The following AMBRA1 variants were observed in gnomAD, a reference collection of about 807,000 sequenced individuals.
AMBRA1 encodes activating molecule in BECN1-regulated autophagy protein 1.
In AMBRA1, 47 loss-of-function variants were observed where a neutral mutation model predicts 125.4. The ratio of observed to expected loss-of-function variants is 0.37; its 90% CI spans 0.30 to 0.48. The LOEUF (loss-of-function observed/expected upper bound fraction) is 0.48. AMBRA1 is among the 20% of genes least tolerant of loss of function. The probability of loss-of-function intolerance (pLI) is 0.99; values close to 1 mark genes in which losing one functional copy is unlikely to be tolerated. For synonymous variants in AMBRA1, 626 were observed against 655.5 expected, an observed-to-expected ratio of 0.95 and a Z score of 0.69; for missense variants, 1,331 against 1,693.4, an observed-to-expected ratio of 0.79 and a Z score of 3.76.
intron 11 of AMBRA1, among the ~76,000 whole-genome samples, chr11:46,460,556 C>G (rs550173931): frequency 6.6e-6 from 1 of 152,302 alleles, no homozygotes; most frequent in South Asian, 2.1e-4. Flanking sequence ...ATCTCCTGAC[C>G]TCGTGATCCG....
intron 1 of AMBRA1, among the ~76,000 whole-genome samples, chr11:46,554,232 T>C (rs2043101076): frequency 6.6e-6 from 1 of 152,078 alleles, no homozygotes; most frequent in African/African-American, 2.4e-5. Context: ...ATTTATAATC[T>C]TACAAGGTGT....
In AMBRA1 at chr11:46,586,106, AAAT is replaced by A. The variant is rs1372426620; in HGVS notation, c.-121+7719_-121+7721del. Among the ~76,000 whole-genome samples the A allele has an allele frequency of 7.2e-5, 11 of 152,216 alleles. No individual in the cohort carries two copies. In the East Asian group the frequency reaches 1.9e-3, roughly 27 times the overall value. ...GGCATTAGCCACTGCACCCAGCCGAAAATAATAATGATTTTTAAAACTGGACGC... is the reference window on the plus strand; with the variant it reads ...GGCATTAGCCACTGCACCCAGCCGAAAATAATGATTTTTAAAACTGGACGC... On this transcript the variant is annotated intron_variant, in intron 1 of 17. Coordinates refer to ENST00000683756, the MANE Select transcript of AMBRA1 (RefSeq NM_001387011.1).
In AMBRA1 at chr11:46,508,970, G is replaced by A. The variant is rs149097092; in HGVS notation, c.2160-600C>T. 7.3e-3 allele frequency among the ~76,000 whole-genome samples: 1,108 copies of A among 152,274 alleles called. 22 individuals carry two copies. The highest frequency in any genetic ancestry group is 0.026 in the African/African-American group (1,075 of 41,546). ...CTCTTTTTCTCTCCCTTAAGAATTA[G>A]TCATAGATATTTGTAACATGGGGAA... On this transcript the variant is annotated intron_variant, in intron 8 of 17. Transcript: ENST00000683756.
chr11:46,581,715 G>A (rs1374659782), intron 1 of AMBRA1, among the ~76,000 whole-genome samples: 6 of 149,216 alleles, frequency 4.0e-5, no homozygotes, highest in East Asian at 2.0e-4. Flanking sequence ...CAGGAGAATC[G>A]CTTGAACCCA....
intron 17 of AMBRA1, among the ~76,000 whole-genome samples, chr11:46,398,860 G>A (rs1191801499): frequency 2.0e-5 from 3 of 151,206 alleles, no homozygotes; most frequent in Non-Finnish European, 2.9e-5. Context: ...TGCAACCTCC[G>A]CCTCCCGGGT....
At chr11:46,444,168 C>T (rs943430342) in intron 11 of AMBRA1, among the ~76,000 whole-genome samples, 6 of 152,132 alleles carry the variant, frequency 3.9e-5, no homozygotes, top group African/African-American at 1.4e-4. Context: ...AGGTAATATT[C>T]ATTCATCTCT....
chr11:46,469,769 ATCC>A (rs1761008972), intron 11 of AMBRA1, among the ~76,000 whole-genome samples: 1 of 151,656 alleles, frequency 6.6e-6, no homozygotes, highest in African/African-American at 2.4e-5. Context: ...GGCTCAAGCA[ATCC>A]TCCTGTCTCA....
chr11:46,472,615 T>G (rs957588248), intron 11 of AMBRA1, among the ~76,000 whole-genome samples: 4 of 152,208 alleles, frequency 2.6e-5, no homozygotes, highest in African/African-American at 9.7e-5. Flanking sequence ...GTTTATTTTC[T>G]AAAACACAAG....
At chr11:46,450,071 A>C (rs1196907829) in intron 11 of AMBRA1, among the ~76,000 whole-genome samples, 1 of 152,020 alleles carries the variant, frequency 6.6e-6, no homozygotes, top group African/African-American at 2.4e-5. Context: ...AAAAAAAAAA[A>C]AACAACTAAT....
chr11:46,434,915 C>T lies in AMBRA1; in HGVS notation c.2755G>A (p.Gly919Ser). 6.2e-7 allele frequency: 1 copy of T among 1,614,120 alleles called. No individual in the cohort carries two copies. The highest frequency in any genetic ancestry group is 8.5e-7 in the Non-Finnish European group (1 of 1,179,998). Reference sequence around the variant, plus strand: ...GCCAGGGAGTACACTGCCAGGATGCCTTCATCAGGAAAGCCCCTCTGGCTG... The same window carrying T: ...GCCAGGGAGTACACTGCCAGGATGCTTTCATCAGGAAAGCCCCTCTGGCTG... The part of the protein sequence containing the change: ...PSSQRGFPDE[G>S]ILAVYSLAPH... The change falls in exon 13 of 18, where the codon GGC becomes AGC. Residue 919 changes from glycine (G) to serine (S), a missense_variant. By Grantham distance (56) the Gly-to-Ser change is moderately conservative (BLOSUM62 0). This residue lies in a region of AMBRA1 where 354 missense variants were observed against 532.7 expected (regional missense o/e 0.66). Transcript: ENST00000683756.
rs930294206 is a variant in AMBRA1, at chr11:46,397,390, G to C, written c.*60C>G. 16 of 1,453,500 alleles carry C rather than the reference G, an allele frequency of 1.1e-5. No individual in the cohort carries two copies. In the African/African-American group the frequency reaches 1.8e-4, roughly 17 times the overall value. The allele number at this position is 1,453,500 out of a possible 1,614,324, so 90.0% of individuals were successfully genotyped here. A position where few individuals can be genotyped will look rare whatever the true frequency, so the allele number is the denominator to read the frequency against. Reference sequence around the variant, plus strand: ...CTTCCACATGTCCAGTTCCCAGTCAGCTGTGAGGTCCGGTTTCTGCTTGGC... The same window carrying C: ...CTTCCACATGTCCAGTTCCCAGTCACCTGTGAGGTCCGGTTTCTGCTTGGC... On this transcript the variant is annotated 3_prime_UTR_variant, in exon 18 of 18. Transcript: ENST00000683756.
chr11:46,454,579 C>CAAAAAAAAA (rs777518872), intron 11 of AMBRA1, among the ~76,000 whole-genome samples: 68 of 49,632 alleles, frequency 1.4e-3, no homozygotes, highest in East Asian at 2.2e-3. Flanking sequence ...ACTAAAAATA[C>CAAAAAAAAA]AAAAAAAAAA....
At chr11:46,405,709 G>C (rs369763086) in intron 17 of AMBRA1, among the ~76,000 whole-genome samples, 77 of 152,180 alleles carry the variant, frequency 5.1e-4, no homozygotes, top group African/African-American at 1.7e-3. Context: ...CTGAGTGACA[G>C]AGTGAGACTC....
At chr11:46,545,453 C>T in intron 5 of AMBRA1, 151 bp downstream of exon 5, 1 of 849,950 alleles carries the variant, frequency 1.2e-6, no homozygotes, top group Non-Finnish European at 1.8e-6. Context: ...CAGAGTGACA[C>T]CCTGTCTCAA....
intron 11 of AMBRA1, chr11:46,491,001 C>T (rs1485954265): frequency 1.3e-5 from 2 of 152,190 alleles, no homozygotes; most frequent in Admixed American, 6.5e-5. Context: ...AGCTCAATTA[C>T]ATGATCACAA....
At chr11:46,573,106 A>AC (rs1332079732) in intron 1 of AMBRA1, among the ~76,000 whole-genome samples, 1 of 150,272 alleles carries the variant, frequency 6.7e-6, no homozygotes, top group East Asian at 2.0e-4. Context: ...TGTCTCAAAA[A>AC]AAAAAAAAAG....
chr11:46,513,359 T>C (rs1417578444), intron 7 of AMBRA1, among the ~76,000 whole-genome samples: 1 of 151,276 alleles, frequency 6.6e-6, no homozygotes, highest in Non-Finnish European at 1.5e-5. Context: ...GAGTACTCCA[T>C]AGGCTTTCAA....
chr11:46,454,579 C>CAAAAA (rs777518872), intron 11 of AMBRA1, among the ~76,000 whole-genome samples: 2 of 50,496 alleles, frequency 4.0e-5, no homozygotes, highest in Non-Finnish European at 5.4e-5. Flanking sequence ...ACTAAAAATA[C>CAAAAA]AAAAAAAAAA....
intron 11 of AMBRA1, among the ~76,000 whole-genome samples, chr11:46,477,343 G>A (rs1347877562): frequency 6.7e-6 from 1 of 149,950 alleles, no homozygotes; most frequent in African/African-American, 2.5e-5. Context: ...TTTGAGACAG[G>A]ATCTTGCTCT....
Sources: allele counts gnomAD v4.1 joint callset (sites outside exome capture counted in the v4.1 genomes callset), GRCh38; gene constraint gnomAD v4.1.1; regional missense constraint gnomAD v4.1.1; transcripts MANE v1.5; gene names NCBI Gene and HGNC (gene_info 2026-07-23, HGNC 2026-07-21).